Variants in PDE1C observed in about 807,000 individuals in gnomAD.
PDE1C encodes dual specificity calcium/calmodulin-dependent 3',5'-cyclic nucleotide phosphodiesterase 1C.
Under a neutral mutation model 93.1 loss-of-function variants are expected in PDE1C, and 62 were observed. That is an observed-to-expected ratio of 0.67 (90% CI 0.54 to 0.82). The LOEUF (loss-of-function observed/expected upper bound fraction) is 0.82. Among genes scored for constraint, PDE1C ranks in the 40% least tolerant of loss-of-function variants. The pLI is 0.00. For synonymous variants in PDE1C, 325 were observed against 310.1 expected, an observed-to-expected ratio of 1.05 and a Z score of -0.50; for missense variants, 742 against 884.6, an observed-to-expected ratio of 0.84 and a Z score of 2.04.
intron 2 of PDE1C, among the ~76,000 whole-genome samples, chr7:32,187,108 T>C (rs376301731): frequency 1.6e-4 from 24 of 152,240 alleles, no homozygotes; most frequent in African/African-American, 5.8e-4. Flanking sequence ...TGGGAAACTA[T>C]TATAATTTTC....
At chr7:32,129,201 T>TA (rs1344086741) in intron 3 of PDE1C, among the ~76,000 whole-genome samples, 17 of 149,890 alleles carry the variant, frequency 1.1e-4, no homozygotes, top group Non-Finnish European at 1.6e-4. Flanking sequence ...TGTACTAGAG[T>TA]AAAAAAAAGA....
chr7:32,422,253 G>A (rs1162643334), intron 1 of PDE1C, among the ~76,000 whole-genome samples: 1 of 150,328 alleles, frequency 6.7e-6, no homozygotes, highest in Non-Finnish European at 1.5e-5. Flanking sequence ...TTAAGGCACA[G>A]GTGGTGTCAC....
At chr7:32,011,594 G>C (rs1306519550) in intron 2 of PDE1C, among the ~76,000 whole-genome samples, 1 of 152,164 alleles carries the variant, frequency 6.6e-6, no homozygotes, top group African/African-American at 2.4e-5. Context: ...AACATCATTA[G>C]ATGTTGCAGA....
intron 1 of PDE1C, among the ~76,000 whole-genome samples, chr7:32,312,208 A>C (rs1160947030): frequency 6.6e-6 from 1 of 152,214 alleles, no homozygotes; most frequent in African/African-American, 2.4e-5. Context: ...GGGATGTGAA[A>C]GACCTCTTCA....
At chr7:32,137,373 A>G (rs148369167) in intron 3 of PDE1C, among the ~76,000 whole-genome samples, 88 of 152,340 alleles carry the variant, frequency 5.8e-4, no homozygotes, top group African/African-American at 2.0e-3. Context: ...TTTTGAGTCC[A>G]TGCTCCATTT....
intron 1 of PDE1C, among the ~76,000 whole-genome samples, chr7:32,421,093 A>G (rs1485257250): frequency 6.6e-6 from 1 of 151,962 alleles, no homozygotes; most frequent in Non-Finnish European, 1.5e-5. Flanking sequence ...ACTAACACAC[A>G]CACACACACA....
intron 1 of PDE1C, among the ~76,000 whole-genome samples, chr7:32,427,060 C>A (rs997147080): frequency 1.3e-5 from 2 of 152,088 alleles, no homozygotes; most frequent in South Asian, 2.1e-4. Context: ...TCTGCCCCGA[C>A]GAAATGGAAT....
At chr7:31,998,030 A>AT (rs201449721) in intron 2 of PDE1C, among the ~76,000 whole-genome samples, 13,553 of 150,782 alleles carry the variant, frequency 0.09, 805 homozygotes, top group Non-Finnish European at 0.13. Flanking sequence ...TTATTTATTT[A>AT]TTTTTTTGAG....
intron 1 of PDE1C, among the ~76,000 whole-genome samples, chr7:32,233,894 A>G (rs1222504835): frequency 6.6e-6 from 1 of 152,072 alleles, no homozygotes; most frequent in East Asian, 1.9e-4. Context: ...AGACTAAATC[A>G]TGGGTCATAA....
intron 3 of PDE1C, among the ~76,000 whole-genome samples, chr7:32,150,717 T>G (rs79838466): frequency 0.013 from 2,020 of 152,326 alleles, 42 homozygotes; most frequent in African/African-American, 0.045. Context: ...GCACTTCGAA[T>G]AGGACCAGAC....
Position 31,806,964 on chromosome 7 carries a change from T to C in PDE1C, c.1891+2067A>G, listed in dbSNP as rs183770902. ...ATTTCCTTTTTAAATTTTTCTGAAG[T>C]AGAGAGCTTTAATGACCAAAAAGAA... On this transcript the variant is annotated intron_variant, in intron 16 of 17. Transcript: ENST00000396191. 4.4e-3 allele frequency among the ~76,000 whole-genome samples: 668 copies of C among 152,002 alleles called. 6 individuals are homozygous for C. The highest frequency in any genetic ancestry group is 0.015 in the African/African-American group (639 of 41,512).
intron 16 of PDE1C, among the ~76,000 whole-genome samples, chr7:31,781,463 C>T (rs932747962): frequency 1.3e-5 from 2 of 152,102 alleles, no homozygotes; most frequent in African/African-American, 4.8e-5. Context: ...AAATGACTGC[C>T]TTTCTGATAC....
intron 2 of PDE1C, among the ~76,000 whole-genome samples, chr7:31,908,871 A>C (rs1218312353): frequency 6.6e-6 from 1 of 152,160 alleles, no homozygotes; most frequent in East Asian, 1.9e-4. Flanking sequence ...ATCCATAATC[A>C]CTTGACTTTA....
chr7:32,162,491 A>C (rs1313231712), intron 3 of PDE1C, among the ~76,000 whole-genome samples: 1 of 152,228 alleles, frequency 6.6e-6, no homozygotes, highest in Non-Finnish European at 1.5e-5. Flanking sequence ...AGCGAGGCTG[A>C]GAAAGCCATC....
the PDE1C span, among the ~76,000 whole-genome samples, chr7:31,743,560 T>C: frequency 2.7e-5 from 4 of 149,824 alleles, no homozygotes; most frequent in Admixed American, 1.3e-4. Flanking sequence ...GGATGCAGTG[T>C]GTGTGTGTGT....
chr7:31,628,521 G>C, the PDE1C span, among the ~76,000 whole-genome samples: 1 of 150,330 alleles, frequency 6.7e-6, no homozygotes, highest in African/African-American at 2.5e-5. Context: ...ACAGTGGCGC[G>C]ACCTCAGCTC....
At chr7:32,095,290 G>C (rs1797692203) in intron 3 of PDE1C, among the ~76,000 whole-genome samples, 1 of 152,202 alleles carries the variant, frequency 6.6e-6, no homozygotes, top group African/African-American at 2.4e-5. Context: ...ATGAGGGGCA[G>C]ACCCTTGTCA....
chr7:31,871,842 T>A (rs530938355), intron 6 of PDE1C, among the ~76,000 whole-genome samples: 3 of 151,948 alleles, frequency 2.0e-5, no homozygotes, highest in East Asian at 3.9e-4. Context: ...TACCATGCAA[T>A]CCAGCAATCT....
chr7:32,278,099 C>A (rs1585067648), intron 1 of PDE1C, among the ~76,000 whole-genome samples: 6 of 110,916 alleles, frequency 5.4e-5, no homozygotes, highest in Admixed American at 1.0e-4. Flanking sequence ...GAAACACGGG[C>A]AGATGGAAAT....
Sources: gnomAD v4.1 joint callset for allele counts (sites outside exome capture counted in the v4.1 genomes callset) on GRCh38, gnomAD v4.1.1 for gene constraint, MANE v1.5 for transcripts, NCBI Gene and HGNC (gene_info 2026-07-23, HGNC 2026-07-21) for gene names.